CNIH3: variants seen among roughly 807,000 people sequenced by gnomAD.
The protein encoded by CNIH3 is protein cornichon homolog 3.
In CNIH3, 14 loss-of-function variants were observed where a neutral mutation model predicts 24.1. The observed-to-expected ratio is 0.58, with a 90% CI of 0.38 to 0.91. CNIH3 has a LOEUF of 0.91. CNIH3 is among the 40% of genes least tolerant of loss of function. The probability of loss-of-function intolerance (pLI) is 0.00; values close to 1 mark genes in which losing one functional copy is unlikely to be tolerated. For missense variants in CNIH3, 178 were observed against 196.8 expected, an observed-to-expected ratio of 0.90 and a Z score of 0.57; for synonymous variants, 68 against 73.8, an observed-to-expected ratio of 0.92 and a Z score of 0.40.
chr1:224,632,422 A>G (rs1683867453), intron 1 of CNIH3, among the ~76,000 whole-genome samples: 1 of 152,186 alleles, frequency 6.6e-6, no homozygotes, highest in Admixed American at 6.5e-5. Context: ...ACATTCTGCT[A>G]CAGTGAATCC....
chr1:224,637,216 G>A (rs1684130188), intron 1 of CNIH3, among the ~76,000 whole-genome samples: 1 of 152,064 alleles, frequency 6.6e-6, no homozygotes, highest in East Asian at 1.9e-4. Context: ...GCCTCCCAAA[G>A]TGCTGGGATT....
intron 1 of CNIH3, among the ~76,000 whole-genome samples, chr1:224,641,536 G>A (rs935583189): frequency 1.3e-5 from 2 of 152,150 alleles, no homozygotes; most frequent in African/African-American, 4.8e-5. Flanking sequence ...CACCAGCCCA[G>A]CCCAGACCCT....
intron 1 of CNIH3, among the ~76,000 whole-genome samples, chr1:224,673,252 A>G (rs947573343): frequency 6.6e-6 from 1 of 152,178 alleles, no homozygotes; most frequent in Non-Finnish European, 1.5e-5. Context: ...TGCAAGTCAC[A>G]TAAGGGCCGC....
At chr1:224,518,898 A>C (rs1190544893) in intron 1 of CNIH3, among the ~76,000 whole-genome samples, 2 of 152,170 alleles carry the variant, frequency 1.3e-5, no homozygotes, top group Non-Finnish European at 2.9e-5. Context: ...TTTTCTTAAG[A>C]TCCAGGCTTG....
At chr1:224,498,741 G>C (rs1481531920) in intron 1 of CNIH3, among the ~76,000 whole-genome samples, 1 of 152,244 alleles carries the variant, frequency 6.6e-6, no homozygotes, top group Non-Finnish European at 1.5e-5. Flanking sequence ...AGGTTACCAT[G>C]CGCTGCTTCA....
chr1:224,570,213 T>G (rs1680760198), intron 4 of CNIH3, among the ~76,000 whole-genome samples: 1 of 152,208 alleles, frequency 6.6e-6, no homozygotes, highest in Non-Finnish European at 1.5e-5. Context: ...GTGTGCAAGT[T>G]TGTTCCATGG....
intron 1 of CNIH3, among the ~76,000 whole-genome samples, chr1:224,463,883 T>TG (rs1164236143): frequency 5.5e-5 from 8 of 145,160 alleles, no homozygotes; most frequent in Non-Finnish European, 3.0e-5. Flanking sequence ...CTCTGCCTCC[T>TG]GGGTTCAAGC....
intron 1 of CNIH3, among the ~76,000 whole-genome samples, chr1:224,674,313 A>G (rs1477469738): frequency 1.2e-5 from 1 of 82,036 alleles, no homozygotes; most frequent in Non-Finnish European, 2.3e-5. Context: ...TTTTTGCCAT[A>G]GTACAGCATG....
intron 4 of CNIH3, among the ~76,000 whole-genome samples, chr1:224,569,465 G>T (rs1283042958): frequency 6.6e-6 from 1 of 152,124 alleles, no homozygotes; most frequent in East Asian, 1.9e-4. Flanking sequence ...TTTAAAACAC[G>T]ATCTAGACAA....
At chr1:224,465,148 T>C (rs1676104290) in intron 1 of CNIH3, among the ~76,000 whole-genome samples, 1 of 151,984 alleles carries the variant, frequency 6.6e-6, no homozygotes, top group Admixed American at 6.6e-5. Context: ...TCGCTCTTGT[T>C]GCCCAGGCTG....
At chr1:224,623,369 G>T (rs1683376620) in intron 1 of CNIH3, among the ~76,000 whole-genome samples, 1 of 152,118 alleles carries the variant, frequency 6.6e-6, no homozygotes, top group Non-Finnish European at 1.5e-5. Flanking sequence ...GGATGCCTCA[G>T]TCTCCCAGGA....
intron 1 of CNIH3, among the ~76,000 whole-genome samples, chr1:224,447,008 A>G (rs1675193429): frequency 6.6e-6 from 1 of 152,180 alleles, no homozygotes; most frequent in African/African-American, 2.4e-5. Flanking sequence ...GGAGGGCTGC[A>G]AGTAAAAATG....
chr1:224,679,212 C>T (rs765186965), intron 1 of CNIH3, among the ~76,000 whole-genome samples: 19 of 151,624 alleles, frequency 1.3e-4, no homozygotes, highest in African/African-American at 3.6e-4. Context: ...TGGTGGCACA[C>T]GCCTGTAATC....
chr1:224,503,219 T>C (rs1177287417), intron 1 of CNIH3, among the ~76,000 whole-genome samples: 3 of 152,232 alleles, frequency 2.0e-5, no homozygotes, highest in Non-Finnish European at 4.4e-5. Flanking sequence ...TTTAATTGTG[T>C]GTAATTAAAA....
intron 3 of CNIH3, among the ~76,000 whole-genome samples, chr1:224,709,509 G>A (rs1688014419): frequency 6.6e-6 from 1 of 152,222 alleles, no homozygotes; most frequent in Non-Finnish European, 1.5e-5. Context: ...ACCTTCAAGT[G>A]TAGGAGAGAG....
At chr1:224,674,616 GA>G (rs933823531) in intron 1 of CNIH3, among the ~76,000 whole-genome samples, 5 of 152,060 alleles carry the variant, frequency 3.3e-5, no homozygotes, top group African/African-American at 9.7e-5. Context: ...GTGGTTGGGG[GA>G]ACAGGGAGGG....
intron 1 of CNIH3, among the ~76,000 whole-genome samples, chr1:224,477,190 G>A (rs942635294): frequency 6.6e-6 from 1 of 152,230 alleles, no homozygotes; most frequent in African/African-American, 2.4e-5. Context: ...GGGTGATGAA[G>A]TTCCTTCAAA....
intron 4 of CNIH3, among the ~76,000 whole-genome samples, chr1:224,579,572 T>C (rs146086387): frequency 2.1e-3 from 326 of 152,332 alleles, no homozygotes; most frequent in African/African-American, 7.7e-3. Context: ...GTTTAGATAT[T>C]TGACCCCTGC....
chr1:224,542,057 G>A (rs1002200474), downstream of CNIH3, among the ~76,000 whole-genome samples: 1 of 152,110 alleles, frequency 6.6e-6, no homozygotes, highest in South Asian at 2.1e-4. Flanking sequence ...TCCATAGAAT[G>A]GCTTCACACT....
Sources: gnomAD v4.1 joint callset for allele counts (sites outside exome capture counted in the v4.1 genomes callset) on GRCh38, gnomAD v4.1.1 for gene constraint, MANE v1.5 for transcripts, NCBI Gene and HGNC (gene_info 2026-07-23, HGNC 2026-07-21) for gene names.